The following ZNF317 variants were observed in gnomAD, a reference collection of about 807,000 sequenced individuals.
ZNF317 encodes the protein KRAB-containing zinc finger protein 317.
ZNF317 carries 17 observed loss-of-function variants against 23.4 expected under a neutral mutation model. The observed-to-expected ratio is 0.73, with a 90% CI of 0.50 to 1.09. The LOEUF is 1.09. Ranked by LOEUF, ZNF317 falls within the 50% of genes least tolerant of loss-of-function variation. ZNF317 has a pLI of 0.00. For synonymous variants in ZNF317, 317 were observed against 314.9 expected (o/e 1.01, Z -0.07); for missense variants, 679 against 796.7 (o/e 0.85, Z 1.78).
intron 5 of ZNF317, 71 bp from the exon 6 acceptor site, chr19:9,158,755 C>T (rs756525972): frequency 9.6e-5 from 97 of 1,009,008 alleles, no homozygotes; most frequent in Non-Finnish European, 1.4e-4. Flanking sequence ...CCAAGAAATC[C>T]ACCTGTCATT....
rs748669143 is a variant in ZNF317 at position 9,161,094 on chromosome 19, C to T, written c.1449C>T (p.Phe483=). 26 of 1,614,076 alleles carry T rather than the reference C, an allele frequency of 1.6e-5. No individual in the cohort carries two copies. The East Asian group carries it at 2.7e-4, about 17-fold the overall frequency. ...AATGCGCCGCCTGCGGGAAAGTCTT[C>T]GGTGACTATTTATCCCGGCGGAGGC... ...RYECAACGKV[F]GDYLSRRRHM... Residue 483 remains phenylalanine, a synonymous_variant, in exon 7 of 7, where the codon TTC becomes TTT. Coordinates refer to ENST00000247956, the MANE Select transcript of ZNF317 (RefSeq NM_020933.5). The surrounding 1 kb of genome is among the most constrained non-coding windows in gnomAD (Gnocchi z 4.0).
chr19:9,150,989 A>G lies in ZNF317; in HGVS notation c.-92-4936A>G, dbSNP rs76222203. Among the ~76,000 whole-genome samples the G allele has an allele frequency of 8.3e-3, 1,264 of 152,284 alleles. 16 individuals are homozygous for G. The highest frequency in any genetic ancestry group is 0.029 in the African/African-American group (1,212 of 41,542). On this transcript the variant is annotated intron_variant, in intron 1 of 6. Coordinates refer to ENST00000247956, the MANE Select transcript of ZNF317 (RefSeq NM_020933.5). ...GGATTAAATAGGAGTGGCCCTGGAAAGACTCAGGAGAATGTCTCATACCTT... is the reference window on the plus strand; with the variant it reads ...GGATTAAATAGGAGTGGCCCTGGAAGGACTCAGGAGAATGTCTCATACCTT...
chr19:9,146,941 C>T (rs2050688714), intron 1 of ZNF317, among the ~76,000 whole-genome samples: 1 of 152,124 alleles, frequency 6.6e-6, no homozygotes, highest in African/African-American at 2.4e-5. Context: ...CAGTTTTGGG[C>T]AACATTTGTT....
intron 1 of ZNF317, among the ~76,000 whole-genome samples, chr19:9,152,705 C>T (rs13382022): frequency 0.086 from 13,042 of 152,192 alleles, 644 homozygotes; most frequent in Non-Finnish European, 0.11. Context: ...AATTATTTTA[C>T]CATATATTAC....
chr19:9,156,505 A>G, intron 2 of ZNF317, 107 bp from the exon 3 acceptor site: 1 of 1,384,746 alleles, frequency 7.2e-7, no homozygotes. Context: ...GAGAGGATTG[A>G]GGATGTGAAC....
In ZNF317 at chr19:9,161,513, G is replaced by C. The variant is rs778700649; in HGVS notation, c.*80G>C. On this transcript the variant is annotated 3_prime_UTR_variant, in exon 7 of 7. Transcript: ENST00000247956. The surrounding 1 kb of genome is among the most constrained non-coding windows in gnomAD (Gnocchi z 4.0). ...TGTAAGAGGAAGCCTCTGTGAGCTCGCACCTTACTGGGTGCAAAAGAATCC... is the reference window on the plus strand; with the variant it reads ...TGTAAGAGGAAGCCTCTGTGAGCTCCCACCTTACTGGGTGCAAAAGAATCC... 129 of 1,517,842 alleles carry C rather than the reference G, an allele frequency of 8.5e-5. 1 individual carries two copies. The highest frequency in any genetic ancestry group is 1.1e-4 in the Non-Finnish European group (121 of 1,132,284). 94.0% of individuals were successfully genotyped at this position (1,517,842 alleles called of 1,614,324 possible).
chr19:9,160,912 T>C lies in ZNF317; in HGVS notation c.1267T>C (p.Cys423Arg), dbSNP rs759775377. The C allele has an allele frequency of 5.0e-6, 8 of 1,614,174 alleles. No homozygotes were observed. Among genetic ancestry groups the C allele is most frequent in the Admixed American group, 1.7e-5 (1 of 60,018 alleles). The change falls in exon 7 of 7, where the codon TGC becomes CGC. Residue 423 changes from cysteine (C) to arginine (R), a missense_variant. Cys to Arg is a radical substitution (Grantham distance 180, BLOSUM62 -3). Transcript: ENST00000247956. The surrounding 1 kb of genome is among the most constrained non-coding windows in gnomAD (Gnocchi z 6.8). ...CAAGAAACCCGTGGAATGTCGGCAG[T>C]GCGGGAAGACCTTCCGAAACCAGTC... ...IVKKPVECRQCGKTFRNQSIL... is the reference protein window; with the variant it reads ...IVKKPVECRQRGKTFRNQSIL...
At chr19:9,142,402 G>A (rs540640318) in intron 1 of ZNF317, among the ~76,000 whole-genome samples, 1 of 152,232 alleles carries the variant, frequency 6.6e-6, no homozygotes. Context: ...AGGCAAGCCT[G>A]TTTGTTTTCT....
intron 1 of ZNF317, among the ~76,000 whole-genome samples, chr19:9,149,694 G>A (rs953443965): frequency 1.4e-4 from 22 of 152,090 alleles, no homozygotes; most frequent in Non-Finnish European, 2.8e-4. Context: ...GTGGCAGAGC[G>A]AGTTGTGGGT....
intron 1 of ZNF317, among the ~76,000 whole-genome samples, chr19:9,146,390 CTA>C (rs1341333287): frequency 1.3e-5 from 2 of 148,816 alleles, no homozygotes; most frequent in South Asian, 4.3e-4. Flanking sequence ...CTGTCTCTCG[CTA>C]TATATATATT....
chr19:9,151,207 C>G (rs1321705148), intron 1 of ZNF317, among the ~76,000 whole-genome samples: 1 of 152,110 alleles, frequency 6.6e-6, no homozygotes, highest in Non-Finnish European at 1.5e-5. Flanking sequence ...AATGTCAGAA[C>G]CCAAAGGCAC....
At chr19:9,143,186 C>T (rs887924853) in intron 1 of ZNF317, among the ~76,000 whole-genome samples, 11 of 152,118 alleles carry the variant, frequency 7.2e-5, no homozygotes, top group African/African-American at 2.7e-4. Context: ...TCATAACATA[C>T]TCAAATTTTT....
intron 4 of ZNF317, 22 bp from the exon 5 acceptor site, chr19:9,157,958 T>C: frequency 6.5e-7 from 1 of 1,549,732 alleles, no homozygotes; most frequent in Non-Finnish European, 8.7e-7. Context: ...TCCCTCAACC[T>C]GTGTCTTTCC....
intron 1 of ZNF317, among the ~76,000 whole-genome samples, chr19:9,143,760 T>G (rs1262714938): frequency 6.6e-6 from 1 of 151,492 alleles, no homozygotes; most frequent in Non-Finnish European, 1.5e-5. Context: ...TTTTTTTTAA[T>G]TTTTGTGTTT....
Position 9,163,313 on chromosome 19 carries a change from C to G in ZNF317, c.*1880C>G, listed in dbSNP as rs947938265. 1.3e-5 allele frequency: 2 copies of G among 152,190 alleles called. No homozygotes were observed. Among genetic ancestry groups the G allele is most frequent in the African/African-American group, 2.4e-5 (1 of 41,414 alleles). 9.4% of individuals were successfully genotyped at this position (152,190 alleles called of 1,614,324 possible). On this transcript the variant is annotated 3_prime_UTR_variant, in exon 7 of 7. Coordinates refer to ENST00000247956, the MANE Select transcript of ZNF317 (RefSeq NM_020933.5). ...GTGACTGCAGAAAGCTCACAGCGAC[C>G]CTGGCCTCCCCTGTGGCCTCTTTGA...
chr19:9,161,266 A>G lies in ZNF317; in HGVS notation c.1621A>G (p.Ile541Val), dbSNP rs1322694751. ...ECDHCGKAFS[I>V]GSNLNVHRRI... ...CGATCACTGTGGGAAGGCCTTCAGC[A>G]TAGGCTCCAACCTGAATGTGCACAG... Residue 541 changes from isoleucine to valine, a missense_variant, in exon 7 of 7, where the codon ATA becomes GTA. Ile to Val is a conservative substitution (Grantham distance 29). Coordinates refer to ENST00000247956, the MANE Select transcript of ZNF317 (RefSeq NM_020933.5). This position sits in a 1 kb window ranked among gnomAD's most constrained non-coding sequence, Gnocchi z 4.0. 1.9e-6 allele frequency: 3 copies of G among 1,613,798 alleles called. No homozygotes were observed. The highest frequency in any genetic ancestry group is 2.5e-6 in the Non-Finnish European group (3 of 1,179,778).
Position 9,145,348 on chromosome 19 carries a change from C to A in ZNF317, c.-93+4756C>A, listed in dbSNP as rs150882028. ...ATGTTGCCCAGGCTGGTCTCGAACT[C>A]CTGCGTGCAAGTGATCCACCTGCCT... On this transcript the variant is annotated intron_variant, in intron 1 of 6. Transcript: ENST00000247956. 5.6e-3 allele frequency among the ~76,000 whole-genome samples: 849 copies of A among 152,290 alleles called. 19 individuals are homozygous for A. The highest frequency in any genetic ancestry group is 0.04 in the Admixed American group (614 of 15,300).
chr19:9,160,773 C>T lies in ZNF317; in HGVS notation c.1128C>T (p.Asn376=), dbSNP rs768369184. 24 of 1,613,980 alleles carry T rather than the reference C, an allele frequency of 1.5e-5. No individual in the cohort carries two copies. Among genetic ancestry groups the T allele is most frequent in the Non-Finnish European group, 2.0e-5 (24 of 1,180,028 alleles). ...QCGKAFRWKS[N]FNLHKKNHMV... ...GCAAAGCCTTCCGCTGGAAGTCCAA[C>T]TTTAATTTGCACAAGAAGAACCACA... Residue 376 remains asparagine (N), a synonymous_variant, in exon 7 of 7, where the codon AAC becomes AAT. Transcript: ENST00000247956. This position sits in a 1 kb window ranked among gnomAD's most constrained non-coding sequence, Gnocchi z 6.8.
Position 9,150,557 on chromosome 19 carries a change from G to C in ZNF317, c.-92-5368G>C, listed in dbSNP as rs1033876322. ...GGGTGTTTCACAATGTGGACCTGTG[G>C]GAGATGGGGGAGAGGGGCCCAGGGG... On this transcript the variant is annotated intron_variant, in intron 1 of 6. Transcript: ENST00000247956. Among the ~76,000 whole-genome samples the C allele has an allele frequency of 2.0e-5, 3 of 152,142 alleles. No homozygotes were observed. The South Asian group carries it at 6.2e-4, about 31-fold the overall frequency.
Sources: gnomAD v4.1 joint callset for allele counts (sites outside exome capture counted in the v4.1 genomes callset) on GRCh38, gnomAD v4.1.1 for gene constraint, Gnocchi (gnomAD v3.1) non-coding constraint, MANE v1.5 for transcripts, NCBI Gene and HGNC (gene_info 2026-07-23, HGNC 2026-07-21) for gene names.